The following ZNF568 variants were observed in gnomAD, a reference collection of about 807,000 sequenced individuals.
ZNF568 encodes zinc finger protein 568.
In ZNF568, 11 loss-of-function variants were observed where a neutral mutation model predicts 18.1. The ratio of observed to expected loss-of-function variants is 0.61; its 90% CI spans 0.38 to 1.00. The LOEUF is 1.00. Among genes scored for constraint, ZNF568 ranks in the 50% least tolerant of loss-of-function variants. ZNF568 has a pLI of 0.01. For synonymous variants in ZNF568, 213 were observed against 246.6 expected (o/e 0.86, Z 1.28); for missense variants, 639 against 768.2 (o/e 0.83, Z 1.99).
downstream of ZNF568, chr19:36,980,194 T>C (rs1480462587): frequency 1.3e-5 from 2 of 152,220 alleles, no homozygotes. Flanking sequence ...TAAATGATGG[T>C]AGATATTCTC....
intron 2 of ZNF568, among the ~76,000 whole-genome samples, chr19:36,921,106 C>A (rs575417740): frequency 5.3e-5 from 8 of 152,282 alleles, no homozygotes; most frequent in African/African-American, 1.9e-4. Context: ...TGACACATTT[C>A]TCAGAGCATA....
chr19:36,942,483 C>T (rs2073897467), intron 6 of ZNF568, among the ~76,000 whole-genome samples: 1 of 150,564 alleles, frequency 6.6e-6, no homozygotes, highest in Non-Finnish European at 1.5e-5. Flanking sequence ...CCTGTAGTCC[C>T]AGCTACTCGG....
At chr19:36,954,711 G>C (rs894437430), downstream of ZNF568, among the ~76,000 whole-genome samples, 1 of 151,270 alleles carries the variant, frequency 6.6e-6, no homozygotes, top group Non-Finnish European at 1.5e-5. Flanking sequence ...TGGGACCACA[G>C]GTGCGTGCCA....
chr19:36,985,821 C>T (rs2074371565), intron 2 of ZNF568, among the ~76,000 whole-genome samples: 1 of 152,116 alleles, frequency 6.6e-6, no homozygotes, highest in African/African-American at 2.4e-5. Flanking sequence ...CTACACCTGG[C>T]CATTTTTTTT....
rs2074022027 is a variant in ZNF568 at position 36,949,563 on chromosome 19, G to C, written c.410G>C (p.Arg137Thr). The C allele has an allele frequency of 6.2e-7, 1 of 1,609,306 alleles. No homozygotes were observed. Among genetic ancestry groups the C allele is most frequent in the South Asian group, 1.1e-5 (1 of 90,198 alleles). The change falls in exon 7 of 7, where the codon AGG becomes ACG. Residue 137 changes from arginine to threonine, a missense_variant. Transcript: ENST00000333987. ...AAGAAGCAACAGGAAACACTTGTGA[G>C]GAAAGTCACATCCATCTCCAAGAAA... is the stretch of plus-strand genomic sequence containing the variant. Reference protein sequence around the residue: ...QIKKQQETLVRKVTSISKKIL... With the variant: ...QIKKQQETLVTKVTSISKKIL...
chr19:36,996,733 T>G, exon 5 of ZNF568: 1 of 1,537,936 alleles, frequency 6.5e-7, no homozygotes, highest in Non-Finnish European at 8.7e-7. Context: ...CAAATGTGCC[T>G]TTAATCATGA....
intron 3 of ZNF568, 31 bp from the exon 4 acceptor site, chr19:36,925,169 A>C (rs755866605): frequency 7.5e-6 from 12 of 1,610,128 alleles, no homozygotes; most frequent in South Asian, 6.6e-5. Context: ...TGAAACTTTG[A>C]AGCAAATCTG....
intron 6 of ZNF568, among the ~76,000 whole-genome samples, chr19:36,961,071 A>T (rs1261605094): frequency 6.6e-6 from 1 of 152,148 alleles, no homozygotes; most frequent in African/African-American, 2.4e-5. Flanking sequence ...CTAATTTTTT[A>T]AAACTCTGAT....
At chr19:36,992,070 G>A (rs1019745930) in intron 4 of ZNF568, among the ~76,000 whole-genome samples, 9 of 151,002 alleles carry the variant, frequency 6.0e-5, no homozygotes, top group Non-Finnish European at 1.0e-4. Flanking sequence ...GTGAAACCCC[G>A]TCTCTACTAA....
chr19:36,956,184 T>C (rs542760882), downstream of ZNF568, among the ~76,000 whole-genome samples: 23 of 152,336 alleles, frequency 1.5e-4, no homozygotes, highest in South Asian at 3.7e-3. Flanking sequence ...CTCAGACTTT[T>C]CAAGATTCCA....
chr19:36,927,858 G>GTATATA (rs1280560215), intron 4 of ZNF568, among the ~76,000 whole-genome samples: 6 of 30,716 alleles, frequency 2.0e-4, no homozygotes, highest in Admixed American at 5.0e-4. Context: ...GTGTGTGTGT[G>GTATATA]TGTATATATA....
chr19:36,970,996 A>G (rs2074231308), intron 6 of ZNF568, among the ~76,000 whole-genome samples: 1 of 152,056 alleles, frequency 6.6e-6, no homozygotes, highest in South Asian at 2.1e-4. Flanking sequence ...TAATCCCAGC[A>G]CTTTGGGAGG....
chr19:36,966,936 G>A (rs2074199475), intron 6 of ZNF568, among the ~76,000 whole-genome samples: 1 of 152,178 alleles, frequency 6.6e-6, no homozygotes, highest in African/African-American at 2.4e-5. Context: ...AAACTCCTCT[G>A]CATCCTGGCC....
intron 6 of ZNF568, among the ~76,000 whole-genome samples, chr19:36,972,950 C>T (rs79642897): frequency 6.6e-6 from 1 of 152,254 alleles, no homozygotes; most frequent in Non-Finnish European, 1.5e-5. Context: ...CACGGCCCCA[C>T]AGCCTTTTTC....
At chr19:36,983,892 C>A (rs1383896487), downstream of ZNF568, among the ~76,000 whole-genome samples, 1 of 95,002 alleles carries the variant, frequency 1.1e-5, no homozygotes, top group African/African-American at 4.5e-5. Flanking sequence ...CCAACTTTGT[C>A]CTTTTTTTTT....
At chr19:36,972,657 C>T (rs73621705) in intron 6 of ZNF568, among the ~76,000 whole-genome samples, 2,002 of 152,342 alleles carry the variant, frequency 0.013, 47 homozygotes, top group African/African-American at 0.045. Flanking sequence ...TCAGTGAAGC[C>T]CCAGGTCCGG....
intron 6 of ZNF568, among the ~76,000 whole-genome samples, chr19:36,966,842 T>C (rs778181239): frequency 6.6e-6 from 1 of 152,260 alleles, no homozygotes; most frequent in Non-Finnish European, 1.5e-5. Context: ...CTTGCATATC[T>C]GGCCTGGGCC....
chr19:36,991,846 G>C, exon 4 of ZNF568: 1 of 1,565,824 alleles, frequency 6.4e-7, no homozygotes, highest in East Asian at 2.3e-5. Context: ...ATGGTGTCCA[G>C]GTGAGTGACG....
intron 2 of ZNF568, among the ~76,000 whole-genome samples, chr19:36,985,321 A>G (rs982426000): frequency 6.6e-6 from 1 of 152,136 alleles, no homozygotes; most frequent in African/African-American, 2.4e-5. Context: ...AACATGTAAT[A>G]TGCTTGTTTT....
Sources: allele counts gnomAD v4.1 joint callset (sites outside exome capture counted in the v4.1 genomes callset), GRCh38; gene constraint gnomAD v4.1.1; transcripts MANE v1.5; gene names NCBI Gene and HGNC (gene_info 2026-07-23, HGNC 2026-07-21).